Variants in SMCHD1 observed in about 807,000 individuals in gnomAD.
SMCHD1 encodes structural maintenance of chromosomes flexible hinge domain-containing protein 1.
SMCHD1 carries 78 observed loss-of-function variants against 254.7 expected under a neutral mutation model. The observed-to-expected ratio is 0.31, with a 90% CI of 0.26 to 0.37. The LOEUF (loss-of-function observed/expected upper bound fraction) is 0.37. Among genes scored for constraint, SMCHD1 ranks in the 10% least tolerant of loss-of-function variants. The pLI is 1.00. For missense variants in SMCHD1, 1,840 were observed against 2,408.1 expected (o/e 0.76, Z 4.94); for synonymous variants, 766 against 794.9 (o/e 0.96, Z 0.61).
intron 27 of SMCHD1, 36 bp from the exon 28 acceptor site, chr18:2,740,667 A>G: frequency 8.5e-7 from 1 of 1,172,544 alleles, no homozygotes; most frequent in East Asian, 2.4e-5. Context: ...CTTCTATTAA[A>G]AGATAATACT....
chr18:2,737,878 A>C (rs2075279860), intron 25 of SMCHD1, among the ~76,000 whole-genome samples: 1 of 152,200 alleles, frequency 6.6e-6, no homozygotes. Context: ...ATTAAGTGAC[A>C]AAATATGGAA....
intron 22 of SMCHD1, among the ~76,000 whole-genome samples, chr18:2,727,521 A>G (rs2075048541): frequency 6.6e-6 from 1 of 152,116 alleles, no homozygotes; most frequent in South Asian, 2.1e-4. Context: ...TACAATTCTT[A>G]GTAGCTAGAT....
intron 45 of SMCHD1, among the ~76,000 whole-genome samples, chr18:2,790,557 C>T (rs909530659): frequency 6.6e-6 from 1 of 151,972 alleles, no homozygotes; most frequent in African/African-American, 2.4e-5. Context: ...GTCAGGAATT[C>T]AAGACCAGCC....
chr18:2,678,911 A>G (rs1471095613), intron 5 of SMCHD1, among the ~76,000 whole-genome samples: 1 of 148,334 alleles, frequency 6.7e-6, no homozygotes, highest in Non-Finnish European at 1.5e-5. Context: ...TGTGTAGTGC[A>G]ATCTCAGCTC....
chr18:2,736,627 T>G (rs897856744), intron 25 of SMCHD1, among the ~76,000 whole-genome samples: 2 of 151,860 alleles, frequency 1.3e-5, no homozygotes, highest in African/African-American at 4.8e-5. Flanking sequence ...ATACATGTGG[T>G]CAGCAAATAT....
chr18:2,738,301 A>G (rs1401021218), intron 25 of SMCHD1, 96 bp from the exon 26 acceptor site: 3 of 1,153,222 alleles, frequency 2.6e-6, no homozygotes, highest in Non-Finnish European at 3.5e-6. Context: ...GGGGTGAAGA[A>G]GACGGATTAT....
At chr18:2,785,043 A>G in intron 45 of SMCHD1, 2 of 317,476 alleles carry the variant, frequency 6.3e-6, no homozygotes, top group Non-Finnish European at 1.2e-5. Flanking sequence ...ATTTGTAACT[A>G]TCTAGAACAA....
chr18:2,680,170 G>A (rs2073892542), intron 5 of SMCHD1, among the ~76,000 whole-genome samples: 1 of 152,120 alleles, frequency 6.6e-6, no homozygotes, highest in Non-Finnish European at 1.5e-5. Context: ...AGCTTCTTCT[G>A]CCACAGTCTC....
chr18:2,668,430 T>C (rs866366087), intron 3 of SMCHD1, among the ~76,000 whole-genome samples: 1 of 152,184 alleles, frequency 6.6e-6, no homozygotes, highest in African/African-American at 2.4e-5. Context: ...TTTGCAGAAT[T>C]AACTGGGGCT....
At position 2,740,770 on chromosome 18, in the gene SMCHD1, G is replaced by A. The variant is rs2075334930; in HGVS notation, c.3582G>A (p.Leu1194=). 1 of 1,611,542 alleles carries A rather than the reference G, an allele frequency of 6.2e-7. No individual in the cohort carries two copies. The highest frequency in any genetic ancestry group is 8.5e-7 in the Non-Finnish European group (1 of 1,178,632). ...TTTCACCAAGTTCTTTATCTTCTTT[G>A]TCAATTGCTGGGGTTGGACTTGATA... ...QAFSPSSLSS[L]SIAGVGLDSS... is the part of the protein sequence containing the mutation. Residue 1194 remains leucine (L), a synonymous_variant, in exon 28 of 48, where the codon TTG becomes TTA. Transcript: ENST00000320876.
chr18:2,695,182 C>T (rs2074260121), intron 8 of SMCHD1, among the ~76,000 whole-genome samples: 1 of 152,122 alleles, frequency 6.6e-6, no homozygotes, highest in African/African-American at 2.4e-5. Flanking sequence ...AATATACGTA[C>T]ATATGTGCCT....
chr18:2,681,835 C>CA (rs528530433), intron 5 of SMCHD1, among the ~76,000 whole-genome samples: 50 of 152,230 alleles, frequency 3.3e-4, no homozygotes, highest in African/African-American at 1.2e-3. Context: ...AAAAGGCTCT[C>CA]AACTCAGAGC....
chr18:2,710,958 G>A (rs754240590), intron 17 of SMCHD1, among the ~76,000 whole-genome samples: 1 of 151,774 alleles, frequency 6.6e-6, no homozygotes, highest in South Asian at 2.1e-4. Context: ...GATGTATTGC[G>A]TTGATTGGTT....
At chr18:2,792,744 A>T (rs1207912096) in intron 45 of SMCHD1, among the ~76,000 whole-genome samples, 1 of 152,234 alleles carries the variant, frequency 6.6e-6, no homozygotes, top group Non-Finnish European at 1.5e-5. Flanking sequence ...TCAGTCAATT[A>T]TGATGGTTTT....
At chr18:2,769,877 C>G (rs2075945341) in intron 38 of SMCHD1, 57 bp downstream of exon 38, 1 of 1,555,948 alleles carries the variant, frequency 6.4e-7, no homozygotes, top group African/African-American at 1.4e-5. Context: ...TTTAGATAAC[C>G]TTGTTTTGCT....
intron 4 of SMCHD1, 25 bp from the exon 5 acceptor site, chr18:2,673,990 T>C: frequency 6.4e-7 from 1 of 1,553,262 alleles, no homozygotes; most frequent in Non-Finnish European, 8.7e-7. Flanking sequence ...TTTTCCTGTC[T>C]TTTTGAACTT....
At chr18:2,722,481 TG>T in intron 19 of SMCHD1, 37 bp from the exon 20 acceptor site, 2 of 1,587,932 alleles carry the variant, frequency 1.3e-6, no homozygotes, top group Non-Finnish European at 1.7e-6. Flanking sequence ...TTCTGACCAA[TG>T]TACTTGCTTT....
At chr18:2,685,098 TTTTC>T (rs1392267882) in intron 5 of SMCHD1, among the ~76,000 whole-genome samples, 1 of 127,554 alleles carries the variant, frequency 7.8e-6, no homozygotes, top group Non-Finnish European at 1.7e-5. Flanking sequence ...TCCCTTATTT[TTTTC>T]TTTTTTTTTT....
intron 27 of SMCHD1, among the ~76,000 whole-genome samples, chr18:2,740,040 C>T (rs1380614514): frequency 1.3e-5 from 2 of 151,554 alleles, no homozygotes; most frequent in Admixed American, 1.3e-4. Flanking sequence ...CCCATCAACC[C>T]GTCATCTACA....
Sources: gnomAD v4.1 joint callset for allele counts (sites outside exome capture counted in the v4.1 genomes callset) on GRCh38, gnomAD v4.1.1 for gene constraint, MANE v1.5 for transcripts, NCBI Gene and HGNC (gene_info 2026-07-23, HGNC 2026-07-21) for gene names.